The following KRIT1 variants were observed in gnomAD, a reference collection of about 807,000 sequenced individuals.
The protein encoded by KRIT1 is KRIT1 ankyrin repeat containing.
In KRIT1, 45 loss-of-function variants were observed where a neutral mutation model predicts 95.8. The ratio of observed to expected loss-of-function variants is 0.47; its 90% CI spans 0.37 to 0.60. KRIT1 has a LOEUF of 0.60. Among genes scored for constraint, KRIT1 ranks in the 20% least tolerant of loss-of-function variants. The pLI, the probability that KRIT1 is intolerant of heterozygous loss-of-function variation, is 0.00. For missense variants in KRIT1, 788 were observed against 877.5 expected (o/e 0.90, Z 1.29); for synonymous variants, 282 against 278.8 (o/e 1.01, Z -0.11).
At chr7:92,212,354 T>C (rs1380155314) in intron 17 of KRIT1, among the ~76,000 whole-genome samples, 1 of 152,196 alleles carries the variant, frequency 6.6e-6, no homozygotes, top group Non-Finnish European at 1.5e-5. Context: ...AGTTAAAACT[T>C]TCAAGTTGCA....
In KRIT1 at chr7:92,200,793, C is replaced by T. The variant is rs1298369596; in HGVS notation, c.2154G>A (p.Val718=). ...CATTTAGCTTCATTAACAGTTTTAC[C>T]ACGAGACCAGCCTACAAAGTAAAAC... ...FIVHTKQAGL[V]VKLLMKLNGQ... The change falls in exon 19 of 19, where the codon GTG becomes GTA. Residue 718 remains valine, a synonymous_variant. Transcript: ENST00000394505. 1.2e-6 allele frequency: 2 copies of T among 1,603,410 alleles called. No individual in the cohort carries two copies.
intron 5 of KRIT1, 29 bp downstream of exon 5, chr7:92,240,962 CAA>C: frequency 6.6e-7 from 1 of 1,504,152 alleles, no homozygotes; most frequent in Non-Finnish European, 9.3e-7. Flanking sequence ...GTATTTTAAA[CAA>C]TGTGTTTTTT....
At chr7:92,219,695 G>A (rs1484730614) in intron 14 of KRIT1, among the ~76,000 whole-genome samples, 1 of 152,190 alleles carries the variant, frequency 6.6e-6, no homozygotes, top group Non-Finnish European at 1.5e-5. Flanking sequence ...AATACTGTTA[G>A]GGACTGCATT....
chr7:92,233,360 T>C (rs1233428677), intron 10 of KRIT1, among the ~76,000 whole-genome samples: 1 of 151,582 alleles, frequency 6.6e-6, no homozygotes, highest in Non-Finnish European at 1.5e-5. Flanking sequence ...CTCAATCTAA[T>C]ACAACTAAGA....
At chr7:92,242,902 C>CT (rs1800007983) in intron 3 of KRIT1, among the ~76,000 whole-genome samples, 1 of 152,164 alleles carries the variant, frequency 6.6e-6, no homozygotes, top group South Asian at 2.1e-4. Context: ...CAACCCTCGC[C>CT]TCCCGGGTTC....
chr7:92,211,405 G>T (rs1159514427), intron 17 of KRIT1, among the ~76,000 whole-genome samples: 2 of 152,188 alleles, frequency 1.3e-5, no homozygotes, highest in Admixed American at 1.3e-4. Context: ...TTTGTTAAGT[G>T]AAATTAGCCA....
Position 92,201,181 on chromosome 7 carries a change from T to C in KRIT1, c.2142+126A>G, listed in dbSNP as rs181537821. On this transcript the variant is annotated intron_variant, in intron 18 of 18. Coordinates refer to ENST00000394505, the MANE Select transcript of KRIT1 (RefSeq NM_194454.3). ...GAAGGCCTGGCTTTATTCCTTGGTCTTAAATATTTTAATTTCATGAAATAT... is the reference window on the plus strand; with the variant it reads ...GAAGGCCTGGCTTTATTCCTTGGTCCTAAATATTTTAATTTCATGAAATAT... The C allele has an allele frequency of 2.9e-4, 195 of 680,028 alleles. No individual in the cohort carries two copies. The African/African-American group carries it at 3.3e-3, about 12-fold the overall frequency. The allele number at this position is 680,028 out of a possible 1,614,324, so 42.1% of individuals were successfully genotyped here.
chr7:92,240,657 GAACATT>G (rs1367720746), intron 5 of KRIT1, among the ~76,000 whole-genome samples: 1 of 152,160 alleles, frequency 6.6e-6, no homozygotes, highest in African/African-American at 2.4e-5. Context: ...CCTAATCCAT[GAACATT>G]AACTTTTACT....
chr7:92,200,590 G>A lies in KRIT1; in HGVS notation c.*146C>T, dbSNP rs1188638446. 1 of 676,810 alleles carries A rather than the reference G, an allele frequency of 1.5e-6. No homozygotes were observed. Among genetic ancestry groups the A allele is most frequent in the Non-Finnish European group, 2.7e-6 (1 of 367,204 alleles). 41.9% of individuals were successfully genotyped at this position (676,810 alleles called of 1,614,324 possible). ...CTGGTCTTGAACTCTGACTTCAGGTGATCCGCCTGCCCCAGCCTCCCAAAG... is the reference window on the plus strand; with the variant it reads ...CTGGTCTTGAACTCTGACTTCAGGTAATCCGCCTGCCCCAGCCTCCCAAAG... On this transcript the variant is annotated 3_prime_UTR_variant, in exon 19 of 19. Coordinates refer to ENST00000394505, the MANE Select transcript of KRIT1 (RefSeq NM_194454.3).
chr7:92,245,395 C>G (rs899093332), intron 1 of KRIT1: 1 of 151,918 alleles, frequency 6.6e-6, no homozygotes, highest in African/African-American at 2.4e-5. Context: ...TATGGTTTCT[C>G]TGTAACTACA....
intron 10 of KRIT1, among the ~76,000 whole-genome samples, chr7:92,233,159 TATACACAC>T (rs1413349776): frequency 1.8e-5 from 1 of 56,924 alleles, no homozygotes; most frequent in Admixed American, 1.5e-4. Context: ...AAGATCTTTT[TATACACAC>T]ACACACACAC....
At chr7:92,224,166 C>G (rs1249805076) in intron 12 of KRIT1, among the ~76,000 whole-genome samples, 1 of 152,084 alleles carries the variant, frequency 6.6e-6, no homozygotes, top group Non-Finnish European at 1.5e-5. Context: ...ATGTTAAATC[C>G]AAAGAGATAC....
intron 10 of KRIT1, 50 bp from the exon 11 acceptor site, chr7:92,226,732 T>A: frequency 1.3e-6 from 2 of 1,550,856 alleles, no homozygotes; most frequent in Non-Finnish European, 1.8e-6. Context: ...AAAACTTACC[T>A]AAAAAGATCA....
chr7:92,201,871 C>T (rs1584702076), intron 17 of KRIT1, among the ~76,000 whole-genome samples: 1 of 152,302 alleles, frequency 6.6e-6, no homozygotes, highest in East Asian at 1.9e-4. Context: ...GCACCCCGCA[C>T]TAACCTCACA....
chr7:92,234,249 C>T lies in KRIT1; in HGVS notation c.989+200G>A, dbSNP rs151173292. On this transcript the variant is annotated intron_variant, in intron 10 of 18. Transcript: ENST00000394505. ...ACCTGGCAATGCCTAAGGACACTAA[C>T]AGTACGTTCCCCATAGGGCAGACCT... 9.2e-5 allele frequency among the ~76,000 whole-genome samples: 14 copies of T among 152,310 alleles called. No homozygotes were observed. In the East Asian group the frequency reaches 2.7e-3, roughly 29 times the overall value.
At chr7:92,215,390 A>C (rs1016903747) in intron 14 of KRIT1, among the ~76,000 whole-genome samples, 1 of 152,242 alleles carries the variant, frequency 6.6e-6, no homozygotes, top group Non-Finnish European at 1.5e-5. Flanking sequence ...GCATTTTTAA[A>C]AAGCCTGTTG....
intron 14 of KRIT1, among the ~76,000 whole-genome samples, chr7:92,218,879 T>C (rs1007824430): frequency 1.3e-5 from 2 of 152,260 alleles, no homozygotes; most frequent in African/African-American, 4.8e-5. Context: ...TTGTTGTTCA[T>C]GCTTTTGTTG....
intron 3 of KRIT1, 47 bp from the exon 4 acceptor site, chr7:92,242,184 T>C (rs764321564): frequency 1.9e-5 from 20 of 1,037,120 alleles, no homozygotes; most frequent in Non-Finnish European, 2.7e-5. Context: ...AAATGACACA[T>C]TTGATGGCAA....
In KRIT1 at chr7:92,223,416, C is replaced by A. The variant is rs1417208463; in HGVS notation, c.1255-438G>T. ...TGAGATTGCGCGACTGCACTCCAGC[C>A]TGGGTGACAGAGCAAGACTCCATCT... On this transcript the variant is annotated intron_variant, in intron 12 of 18. Transcript: ENST00000394505. 2.0e-5 allele frequency among the ~76,000 whole-genome samples: 3 copies of A among 146,418 alleles called. No individual in the cohort carries two copies. In the East Asian group the frequency reaches 6.0e-4, roughly 29 times the overall value.
Sources: allele counts gnomAD v4.1 joint callset (sites outside exome capture counted in the v4.1 genomes callset), GRCh38; gene constraint gnomAD v4.1.1; transcripts MANE v1.5; gene names NCBI Gene and HGNC (gene_info 2026-07-23, HGNC 2026-07-21).